NPIPB2: variants seen among roughly 807,000 people sequenced by gnomAD.
NPIPB2 encodes nuclear pore complex interacting protein family member B2.
NPIPB2 carries 27 observed loss-of-function variants against 30.8 expected under a neutral mutation model. The observed-to-expected ratio is 0.88, with a 90% CI of 0.65 to 1.21. NPIPB2 has a LOEUF of 1.21. Among genes scored for constraint, NPIPB2 ranks in the 50% most tolerant of loss-of-function variants. The probability of loss-of-function intolerance (pLI) is 0.00; values close to 1 mark genes in which losing one functional copy is unlikely to be tolerated. For synonymous variants in NPIPB2, 147 were observed against 162.0 expected (o/e 0.91, Z 0.70); for missense variants, 440 against 446.2 (o/e 0.99, Z 0.13).
intron 1 of NPIPB2, among the ~76,000 whole-genome samples, chr16:11,974,329 A>G (rs1419376218): frequency 2.6e-5 from 4 of 152,156 alleles, no homozygotes; most frequent in Middle Eastern, 6.8e-3. Context: ...GCTGACCAAC[A>G]TGGTGAAAGC....
At chr16:11,967,665 G>A in intron 1 of NPIPB2, 18 of 1,614,202 alleles carry the variant, frequency 1.1e-5, no homozygotes, top group Non-Finnish European at 1.5e-5. Context: ...CACGGTGGAA[G>A]AATGCACCTG....
intron 1 of NPIPB2, among the ~76,000 whole-genome samples, chr16:11,958,024 C>T (rs370265588): frequency 6.6e-6 from 1 of 152,166 alleles, no homozygotes; most frequent in African/African-American, 2.4e-5. Context: ...TTTGCAAACT[C>T]TCCCCAAATA....
At chr16:11,967,904 T>TG in intron 1 of NPIPB2, 15 of 1,573,906 alleles carry the variant, frequency 9.5e-6, no homozygotes, top group Non-Finnish European at 1.3e-5. Context: ...GAATAGATGA[T>TG]GTGTCAGATC....
Position 11,927,815 on chromosome 16 carries a change from G to C in NPIPB2, c.752C>G (p.Ala251Gly), listed in dbSNP as rs1444232454. Residue 251 changes from alanine to glycine, a missense_variant, in exon 8 of 8, where the codon GCT (alanine) becomes GGT (glycine). Ala to Gly is a moderately conservative substitution (Grantham distance 60, BLOSUM62 0). Around this residue, in one of 3 missense-constraint regions of NPIPB2, gnomAD observed 48 missense variants for 96.4 expected, o/e 0.50. Coordinates refer to ENST00000399147, the Ensembl canonical transcript of NPIPB2. ...GCCCATCCTGTTTTTTAAAGTTTCA[G>C]CTGTGAGGTAGGGCCAGTAGGGCAA... 6.1e-6 allele frequency: 9 copies of C among 1,471,578 alleles called. No individual in the cohort carries two copies. The African/African-American group carries it at 1.3e-4, about 21-fold the overall frequency. The allele number at this position is 1,471,578 out of a possible 1,614,324, so 91.2% of individuals were successfully genotyped here.
chr16:11,932,525 C>G (rs2054803628), intron 4 of NPIPB2, among the ~76,000 whole-genome samples: 2 of 151,898 alleles, frequency 1.3e-5, no homozygotes, highest in African/African-American at 4.8e-5. Context: ...TGCCTGTAAT[C>G]TCAGCACATT....
chr16:11,939,353 A>G (rs1365232726), intron 1 of NPIPB2, among the ~76,000 whole-genome samples: 1 of 151,894 alleles, frequency 6.6e-6, no homozygotes, highest in African/African-American at 2.4e-5. Flanking sequence ...CGAGATCAGG[A>G]GATTGAGACC....
At chr16:11,931,822 G>C (rs939345754) in intron 4 of NPIPB2, among the ~76,000 whole-genome samples, 11 of 152,024 alleles carry the variant, frequency 7.2e-5, no homozygotes, top group African/African-American at 2.7e-4. Flanking sequence ...TGCTAACATG[G>C]CAGTAAACAG....
At chr16:11,956,630 C>T (rs185953276) in intron 1 of NPIPB2, among the ~76,000 whole-genome samples, 28 of 152,192 alleles carry the variant, frequency 1.8e-4, no homozygotes, top group Admixed American at 1.0e-3. Flanking sequence ...GAGCTGAGAT[C>T]GCACCACTGC....
chr16:11,947,316 A>G (rs1350791471), intron 1 of NPIPB2, among the ~76,000 whole-genome samples: 4 of 72,154 alleles, frequency 5.5e-5, no homozygotes, highest in African/African-American at 1.3e-4. Context: ...TTATTTATTT[A>G]TTTATTTATA....
chr16:11,956,149 T>C (rs1179021535), intron 1 of NPIPB2: 1 of 152,310 alleles, frequency 6.6e-6, no homozygotes, highest in Non-Finnish European at 1.5e-5. Context: ...CTTACCTTGA[T>C]GGGCTCTGAC....
At chr16:11,954,773 TG>T (rs1452818332) in intron 1 of NPIPB2, among the ~76,000 whole-genome samples, 1 of 151,452 alleles carries the variant, frequency 6.6e-6, no homozygotes, top group African/African-American at 2.4e-5. Context: ...CCAGGTGTGG[TG>T]GCAGGAGCCT....
chr16:11,949,279 T>C (rs931337036), intron 1 of NPIPB2, among the ~76,000 whole-genome samples: 2 of 152,198 alleles, frequency 1.3e-5, no homozygotes, highest in African/African-American at 2.4e-5. Flanking sequence ...GGTGATCTCA[T>C]GCAATCAACT....
At chr16:11,968,116 C>A in intron 1 of NPIPB2, 1 of 399,860 alleles carries the variant, frequency 2.5e-6, no homozygotes, top group Non-Finnish European at 4.5e-6. Flanking sequence ...GCATGTATAC[C>A]AGTGTGGGGG....
At chr16:11,954,167 T>A (rs1434069228) in intron 1 of NPIPB2, among the ~76,000 whole-genome samples, 1 of 152,170 alleles carries the variant, frequency 6.6e-6, no homozygotes, top group African/African-American at 2.4e-5. Flanking sequence ...GCAAAATTCC[T>A]AAACGTGGAA....
intron 1 of NPIPB2, among the ~76,000 whole-genome samples, chr16:11,969,387 G>C (rs1439753270): frequency 2.0e-5 from 3 of 152,104 alleles, no homozygotes; most frequent in African/African-American, 7.2e-5. Context: ...CACCCGAGTA[G>C]CTGGGATTAC....
upstream of NPIPB2, among the ~76,000 whole-genome samples, chr16:11,944,638 C>G (rs1485495187): frequency 7.0e-6 from 1 of 142,854 alleles, no homozygotes; most frequent in Non-Finnish European, 1.5e-5. Context: ...TGGTGCGCAC[C>G]TGTAATCCCA....
intron 1 of NPIPB2, chr16:11,967,551 T>G: frequency 6.2e-7 from 1 of 1,602,666 alleles, no homozygotes; most frequent in Non-Finnish European, 8.5e-7. Flanking sequence ...GGTTAATGTT[T>G]CCGTTTCTAC....
chr16:11,957,197 C>A (rs191223574), intron 1 of NPIPB2, among the ~76,000 whole-genome samples: 239 of 145,972 alleles, frequency 1.6e-3, no homozygotes, highest in Middle Eastern at 3.7e-3. Flanking sequence ...TGGAGTCTCA[C>A]TCTGTCGCCC....
chr16:11,938,545 G>A (rs1356741904), intron 1 of NPIPB2, among the ~76,000 whole-genome samples: 4 of 149,572 alleles, frequency 2.7e-5, no homozygotes. Context: ...TGGCCAGGGT[G>A]GTCTCAAACT....
Sources: gnomAD v4.1 joint callset for allele counts (sites outside exome capture counted in the v4.1 genomes callset) on GRCh38, gnomAD v4.1.1 for gene constraint, gnomAD v4.1.1 regional missense constraint, MANE v1.5 for transcripts, NCBI Gene and HGNC (gene_info 2026-07-23, HGNC 2026-07-21) for gene names.